Variants in RNF150 observed in about 807,000 individuals in gnomAD.
The protein encoded by RNF150 is ring finger protein 150.
A neutral mutation model predicts 39.3 loss-of-function variants in RNF150; 24 were observed. The ratio of observed to expected loss-of-function variants is 0.61; its 90% CI spans 0.44 to 0.86. The LOEUF (loss-of-function observed/expected upper bound fraction) is 0.86, where lower values mean the gene tolerates loss of function less well. Among genes scored for constraint, RNF150 ranks in the 40% least tolerant of loss-of-function variants. The pLI, the probability that RNF150 is intolerant of heterozygous loss-of-function variation, is 0.00. For missense variants in RNF150, 502 were observed against 587.8 expected, an observed-to-expected ratio of 0.85 and a Z score of 1.51; for synonymous variants, 255 against 227.3, an observed-to-expected ratio of 1.12 and a Z score of -1.10.
chr4:140,963,167 C>A (rs1733105700), intron 2 of RNF150, among the ~76,000 whole-genome samples: 1 of 151,764 alleles, frequency 6.6e-6, no homozygotes, highest in Non-Finnish European at 1.5e-5. Flanking sequence ...CAGATATAAG[C>A]AATAAAAATG....
chr4:141,133,597 G>T (rs1333340399), upstream of RNF150: 1 of 152,130 alleles, frequency 6.6e-6, no homozygotes, highest in Non-Finnish European at 1.5e-5. Flanking sequence ...AGCGACCCCT[G>T]TCGGGTCTCA....
chr4:140,940,362 T>C (rs890748307), intron 4 of RNF150, among the ~76,000 whole-genome samples: 2 of 149,062 alleles, frequency 1.3e-5, no homozygotes, highest in Non-Finnish European at 3.0e-5. Flanking sequence ...GAGCTACTTA[T>C]CACAGCCTTA....
intron 1 of RNF150, among the ~76,000 whole-genome samples, chr4:141,108,718 G>A (rs902257181): frequency 6.6e-6 from 1 of 152,066 alleles, no homozygotes; most frequent in Non-Finnish European, 1.5e-5. Context: ...CTATTTTAAA[G>A]TTAAAAAAAC....
At chr4:140,983,497 T>C (rs1056878136) in intron 1 of RNF150, among the ~76,000 whole-genome samples, 6 of 152,100 alleles carry the variant, frequency 3.9e-5, no homozygotes, top group Admixed American at 3.3e-4. Flanking sequence ...ATTTATACCA[T>C]AGAGCAAAGA....
chr4:140,967,108 C>T (rs1371843777), intron 2 of RNF150, among the ~76,000 whole-genome samples: 1 of 152,074 alleles, frequency 6.6e-6, no homozygotes, highest in African/African-American at 2.4e-5. Context: ...TTTATAAGTG[C>T]ATAGAATATC....
At chr4:140,881,832 G>A (rs535505373) in intron 6 of RNF150, among the ~76,000 whole-genome samples, 2 of 152,184 alleles carry the variant, frequency 1.3e-5, no homozygotes, top group Non-Finnish European at 2.9e-5. Context: ...AGTGAGCTAT[G>A]ATCATGTCAC....
At chr4:140,946,231 C>T (rs1299713019) in intron 4 of RNF150, among the ~76,000 whole-genome samples, 3 of 152,208 alleles carry the variant, frequency 2.0e-5, no homozygotes, top group Non-Finnish European at 4.4e-5. Context: ...ATCAATTTGC[C>T]TATGGACATT....
At chr4:141,137,632 A>G (rs771911394), upstream of RNF150, among the ~76,000 whole-genome samples, 3 of 152,236 alleles carry the variant, frequency 2.0e-5, no homozygotes, top group Non-Finnish European at 2.9e-5. Flanking sequence ...CAAGGTGCCT[A>G]GAGAGACATC....
intron 1 of RNF150, among the ~76,000 whole-genome samples, chr4:141,075,959 T>C (rs1005777095): frequency 2.0e-5 from 3 of 152,092 alleles, no homozygotes. Context: ...AAAATAAAAA[T>C]AAATGAAGAC....
chr4:140,890,343 C>T (rs190687469), intron 6 of RNF150, among the ~76,000 whole-genome samples: 6 of 152,096 alleles, frequency 3.9e-5, no homozygotes, highest in Non-Finnish European at 7.4e-5. Context: ...ATAGTTTATT[C>T]GTCCTTTCCC....
chr4:140,920,605 C>T (rs1578967012), intron 5 of RNF150, among the ~76,000 whole-genome samples: 1 of 146,222 alleles, frequency 6.8e-6, no homozygotes, highest in African/African-American at 2.5e-5. Context: ...TAAACTAGTT[C>T]AACCATTGTG....
chr4:141,090,799 GTTTT>G (rs1251903975), intron 1 of RNF150, among the ~76,000 whole-genome samples: 1 of 152,088 alleles, frequency 6.6e-6, no homozygotes, highest in Non-Finnish European at 1.5e-5. Context: ...ATGGCCAATG[GTTTT>G]TTGTTTTGTT....
At chr4:141,140,633 A>G (rs533395478) in intron 1 of RNF150, among the ~76,000 whole-genome samples, 1 of 152,180 alleles carries the variant, frequency 6.6e-6, no homozygotes, top group East Asian at 1.9e-4. Flanking sequence ...TTTTTCGCCA[A>G]AAAGCTGGAA....
intron 1 of RNF150, among the ~76,000 whole-genome samples, chr4:141,131,537 G>T (rs566786642): frequency 3.3e-4 from 50 of 152,312 alleles, no homozygotes; most frequent in African/African-American, 1.1e-3. Context: ...TGAGTTTTGG[G>T]ACAGTAATGC....
At chr4:141,121,275 G>C (rs961630544) in intron 1 of RNF150, among the ~76,000 whole-genome samples, 3 of 152,146 alleles carry the variant, frequency 2.0e-5, no homozygotes, top group Non-Finnish European at 2.9e-5. Context: ...CTCACCAAGA[G>C]AATGACTTCA....
At chr4:140,918,820 C>G (rs1313270251) in intron 5 of RNF150, among the ~76,000 whole-genome samples, 1 of 152,128 alleles carries the variant, frequency 6.6e-6, no homozygotes, top group Admixed American at 6.5e-5. Flanking sequence ...AGCAGCACAT[C>G]AAAAAGCTTA....
chr4:140,962,370 T>C (rs966702211), intron 2 of RNF150, among the ~76,000 whole-genome samples: 2 of 151,740 alleles, frequency 1.3e-5, no homozygotes, highest in Non-Finnish European at 1.5e-5. Flanking sequence ...CATATGTGCA[T>C]ATATAAGACA....
At chr4:141,091,375 G>A (rs527924221) in intron 1 of RNF150, among the ~76,000 whole-genome samples, 7 of 152,072 alleles carry the variant, frequency 4.6e-5, no homozygotes, top group Middle Eastern at 3.4e-3. Flanking sequence ...TTTTCTTTAC[G>A]TTAAAAAAAA....
At chr4:140,892,793 G>C (rs933179051) in intron 6 of RNF150, among the ~76,000 whole-genome samples, 4 of 151,932 alleles carry the variant, frequency 2.6e-5, no homozygotes, top group African/African-American at 9.7e-5. Context: ...GGTGTAGTGT[G>C]GCTCATGCCT....
Sources: allele counts gnomAD v4.1 joint callset (sites outside exome capture counted in the v4.1 genomes callset), GRCh38; gene constraint gnomAD v4.1.1; transcripts MANE v1.5; gene names NCBI Gene and HGNC (gene_info 2026-07-23, HGNC 2026-07-21).